PRTG: variants seen among roughly 807,000 people sequenced by gnomAD.
PRTG encodes the protein immunoglobulin superfamily, DCC subclass, member 5.
Under a neutral mutation model 122.5 loss-of-function variants are expected in PRTG, and 67 were observed. That is an observed-to-expected ratio of 0.55 (90% confidence interval 0.45 to 0.67). PRTG has a LOEUF of 0.67. PRTG is among the 30% of genes least tolerant of loss of function. The probability of loss-of-function intolerance (pLI) is 0.00; values close to 1 mark genes in which losing one functional copy is unlikely to be tolerated. For missense variants in PRTG, 1,435 were observed against 1,415.4 expected (o/e 1.01, Z -0.22); for synonymous variants, 554 against 501.1 (o/e 1.11, Z -1.41).
intron 2 of PRTG, among the ~76,000 whole-genome samples, chr15:55,729,587 G>C (rs2031158111): frequency 6.6e-6 from 1 of 150,596 alleles, no homozygotes; most frequent in Non-Finnish European, 1.5e-5. Context: ...ATTCTGCGGG[G>C]AAAAAAAATA....
intron 2 of PRTG, among the ~76,000 whole-genome samples, chr15:55,700,723 C>T (rs1455561601): frequency 6.6e-6 from 1 of 152,066 alleles, no homozygotes; most frequent in African/African-American, 2.4e-5. Context: ...CGAGGCTGTA[C>T]TGAGCCTGGA....
chr15:55,719,213 C>G lies in PRTG; in HGVS notation c.397+21169G>C, dbSNP rs573697565. Among the ~76,000 whole-genome samples, 13 of 152,166 alleles carry G rather than the reference C, an allele frequency of 8.5e-5. No homozygotes were observed. The South Asian group carries it at 2.7e-3, about 32-fold the overall frequency. Reference sequence around the variant, plus strand: ...TGGGAAATAGACTGTTTTCATTGTCCTAATTGATTTTACTAAAATATTTCT... The same window carrying G: ...TGGGAAATAGACTGTTTTCATTGTCGTAATTGATTTTACTAAAATATTTCT... On this transcript the variant is annotated intron_variant, in intron 2 of 19. Transcript: ENST00000389286.
At chr15:55,713,825 C>A (rs1385930011) in intron 2 of PRTG, among the ~76,000 whole-genome samples, 1 of 152,100 alleles carries the variant, frequency 6.6e-6, no homozygotes, top group East Asian at 1.9e-4. Context: ...AGATTCGCTG[C>A]ATGTCTATTA....
At chr15:55,645,366 G>A (rs1246735358) in intron 11 of PRTG, among the ~76,000 whole-genome samples, 10 of 132,898 alleles carry the variant, frequency 7.5e-5, no homozygotes, top group South Asian at 2.7e-4. Context: ...CCCGGGAGGC[G>A]GAGCTTGCAG....
At chr15:55,663,936 T>C (rs1365341128) in intron 11 of PRTG, among the ~76,000 whole-genome samples, 1 of 152,358 alleles carries the variant, frequency 6.6e-6, no homozygotes, top group African/African-American at 2.4e-5. Context: ...ATGACATTGA[T>C]ATTCATCCAT....
Position 55,682,492 on chromosome 15 carries a change from GT to G in PRTG, c.547del (p.Thr183LeufsTer28). 6.6e-7 allele frequency: 1 copy of G among 1,506,496 alleles called. No individual in the cohort carries two copies. The highest frequency in any genetic ancestry group is 1.4e-5 in the South Asian group (1 of 71,940). 93.3% of individuals were successfully genotyped at this position (1,506,496 alleles called of 1,614,324 possible). On this transcript the variant is annotated frameshift_variant, in exon 4 of 20. Coordinates refer to ENST00000389286, the MANE Select transcript of PRTG (RefSeq NM_173814.6). LOFTEE classifies it high-confidence loss of function. ...CTGCAATACTCCTGTTGGTAGGGCA[GT>G]TATCCTGTTATGAGAGAAAGATAAT... ...TTLPMTMDRI[T>X]ALPTGVLQIY...
At chr15:55,709,538 C>A (rs1280649203) in intron 2 of PRTG, among the ~76,000 whole-genome samples, 1 of 151,746 alleles carries the variant, frequency 6.6e-6, no homozygotes, top group Admixed American at 6.6e-5. Context: ...GGTATCTACC[C>A]AAGTGAAATT....
intron 2 of PRTG, among the ~76,000 whole-genome samples, chr15:55,736,877 T>C (rs1307100470): frequency 5.3e-5 from 8 of 152,202 alleles, no homozygotes; most frequent in African/African-American, 1.9e-4. Context: ...TCCTGTTCAA[T>C]CACTAGCTTA....
At chr15:55,721,616 C>CA (rs1217419632) in intron 2 of PRTG, among the ~76,000 whole-genome samples, 8 of 152,224 alleles carry the variant, frequency 5.3e-5, no homozygotes, top group African/African-American at 1.4e-4. Context: ...ACATCAGCTA[C>CA]ATCAGGATCT....
intron 2 of PRTG, among the ~76,000 whole-genome samples, chr15:55,702,160 T>C (rs12594642): frequency 0.19 from 28,337 of 152,130 alleles, 3,729 homozygotes; most frequent in East Asian, 0.66. Flanking sequence ...TTCTAGCCAG[T>C]GTTAAAGAAG....
At chr15:55,697,710 G>A (rs528050777) in intron 2 of PRTG, among the ~76,000 whole-genome samples, 6 of 152,036 alleles carry the variant, frequency 3.9e-5, no homozygotes, top group South Asian at 2.1e-4. Flanking sequence ...AGCTGGTCTC[G>A]AACTCCTGAC....
At position 55,675,477 on chromosome 15, in the gene PRTG, C is replaced by T. The variant is rs189245093; in HGVS notation, c.1546+42G>A. The T allele has an allele frequency of 1.1e-4, 151 of 1,384,094 alleles. 1 individual carries two copies. The highest frequency in any genetic ancestry group is 2.0e-4 in the African/African-American group (14 of 70,400). The allele number at this position is 1,384,094 out of a possible 1,614,324, so 85.7% of individuals were successfully genotyped here. A position where few individuals can be genotyped will look rare whatever the true frequency, so the allele number is the denominator to read the frequency against. ...TATTCATTGAAATTGACAAAACATA[C>T]GAATGTTCATACTGAAATGATCTAG... On this transcript the variant is annotated intron_variant, in intron 9 of 19. Coordinates refer to ENST00000389286, the MANE Select transcript of PRTG (RefSeq NM_173814.6).
chr15:55,716,449 G>A (rs2030604017), intron 2 of PRTG, among the ~76,000 whole-genome samples: 1 of 152,138 alleles, frequency 6.6e-6, no homozygotes, highest in Admixed American at 6.6e-5. Flanking sequence ...TGAACTCTTG[G>A]TTAGCCCTTA....
In PRTG at chr15:55,623,416, A is replaced by G. The variant is rs951375178; in HGVS notation, c.3093+926T>C. ...AACCCCATCTCTACTAAAAATACAAAATTAGTCAGGCATGGTGGCGCACGC... is the reference window on the plus strand; with the variant it reads ...AACCCCATCTCTACTAAAAATACAAGATTAGTCAGGCATGGTGGCGCACGC... On this transcript the variant is annotated intron_variant, in intron 18 of 19. Coordinates refer to ENST00000389286, the MANE Select transcript of PRTG (RefSeq NM_173814.6). Among the ~76,000 whole-genome samples, 3 of 152,200 alleles carry G rather than the reference A, an allele frequency of 2.0e-5. No homozygotes were observed. In the East Asian group the frequency reaches 5.8e-4, roughly 29 times the overall value.
chr15:55,692,407 A>T (rs687128), intron 2 of PRTG, among the ~76,000 whole-genome samples: 2 of 151,986 alleles, frequency 1.3e-5, no homozygotes, highest in Admixed American at 6.6e-5. Flanking sequence ...TTTGGCTCAG[A>T]GGTATTCAGG....
At chr15:55,734,333 A>G (rs1489567154) in intron 2 of PRTG, among the ~76,000 whole-genome samples, 1 of 152,230 alleles carries the variant, frequency 6.6e-6, no homozygotes, top group Non-Finnish European at 1.5e-5. Context: ...TTATTCCAAA[A>G]GAATATGATT....
intron 2 of PRTG, among the ~76,000 whole-genome samples, chr15:55,692,622 A>G (rs1302647691): frequency 2.0e-5 from 3 of 152,126 alleles, no homozygotes; most frequent in Non-Finnish European, 2.9e-5. Context: ...TGGACTAATA[A>G]CAGAAACAAC....
rs368778492 is a variant in PRTG, at chr15:55,680,118, A to T, written c.909T>A (p.Val303=). 5.0e-6 allele frequency: 8 copies of T among 1,613,662 alleles called. No homozygotes were observed. The highest frequency in any genetic ancestry group is 1.3e-5 in the African/African-American group (1 of 74,928). Residue 303 remains valine, a synonymous_variant, in exon 6 of 20, where the codon GTT becomes GTA. Transcript: ENST00000389286. Reference sequence around the variant, plus strand: ...GTGTGCCAGGGGTAGTGGCCCGACAAACATATACTCCAGCATGTTGTAGCC... The same window carrying T: ...GTGTGCCAGGGGTAGTGGCCCGACATACATATACTCCAGCATGTTGTAGCC... ...DVRLQHAGVY[V]CRATTPGTRN...
At chr15:55,733,359 A>C (rs1221934709) in intron 2 of PRTG, among the ~76,000 whole-genome samples, 1 of 150,828 alleles carries the variant, frequency 6.6e-6, no homozygotes, top group Non-Finnish European at 1.5e-5. Context: ...AAAAATACAA[A>C]ATTAGCCAGG....
Sources: allele counts gnomAD v4.1 joint callset (sites outside exome capture counted in the v4.1 genomes callset), GRCh38; gene constraint gnomAD v4.1.1; transcripts MANE v1.5; gene names NCBI Gene and HGNC (gene_info 2026-07-23, HGNC 2026-07-21).